The following PLEKHJ1 variants were observed in gnomAD, a reference collection of about 807,000 sequenced individuals.
PLEKHJ1 encodes the protein pleckstrin homology domain-containing family J member 1.
A neutral mutation model predicts 21.7 loss-of-function variants in PLEKHJ1; 20 were observed. The ratio of observed to expected loss-of-function variants is 0.92; its 90% confidence interval spans 0.65 to 1.34. PLEKHJ1 has a LOEUF of 1.34. Ranked by LOEUF, PLEKHJ1 falls within the 40% of genes most tolerant of loss-of-function variation. The pLI is 0.00. For missense variants in PLEKHJ1, 241 were observed against 202.0 expected (o/e 1.19, Z -1.17); for synonymous variants, 113 against 80.6 (o/e 1.40, Z -2.15).
Position 2,235,750 on chromosome 19 carries a change from AG to A in PLEKHJ1, c.229+11del. On this transcript the variant is annotated intron_variant, in intron 3 of 5. Coordinates refer to ENST00000326631, the MANE Select transcript of PLEKHJ1 (RefSeq NM_018049.3). ...TGCGGGAAGCGCCGCTGGCTTCCCT[AG>A]CCCCACTCACTGATGGAGAAGGTGC... 6.5e-7 allele frequency: 1 copy of A among 1,547,494 alleles called. No individual in the cohort carries two copies. The highest frequency in any genetic ancestry group is 1.2e-5 in the South Asian group (1 of 83,930).
Position 2,235,990 on chromosome 19 carries a change from A to G in PLEKHJ1, c.95T>C (p.Val32Ala). The G allele has an allele frequency of 6.2e-7, 1 of 1,607,642 alleles. No individual in the cohort carries two copies. Among genetic ancestry groups the G allele is most frequent in the East Asian group, 2.3e-5 (1 of 44,130 alleles). Residue 32 changes from valine to alanine, a missense_variant and splice_region_variant, in exon 2 of 6, where the codon GTG becomes GCG. Val to Ala is a moderately conservative substitution (Grantham distance 64). Transcript: ENST00000326631. The part of the protein sequence containing the change: ...LGMRGPKKGS[V>A]LKRRLVKLVV... ...CAGCTTCACCAGCCGCCGCTTCAGC[A>G]CTGCGGGCACAGCGCGCACTCAGGG...
At chr19:2,230,085 T>C, downstream of PLEKHJ1, 1 of 585,600 alleles carries the variant, frequency 1.7e-6, no homozygotes, top group Non-Finnish European at 3.0e-6. Flanking sequence ...TATAAATATC[T>C]ATATATGAGA....
chr19:2,236,026 C>G (rs773684318), intron 1 of PLEKHJ1, 36 bp from the exon 2 acceptor site: 2 of 1,561,684 alleles, frequency 1.3e-6, no homozygotes, highest in South Asian at 1.2e-5. Flanking sequence ...GCGCAGGCAG[C>G]CCCCGCCCGG....
At position 2,235,736 on chromosome 19, in the gene PLEKHJ1, C is replaced by T. The variant is rs765087754; in HGVS notation, c.229+26G>A. 8.1e-5 allele frequency: 125 copies of T among 1,540,978 alleles called. 1 individual carries two copies. In the South Asian group the frequency reaches 1.4e-3, roughly 18 times the overall value. ...CGGGTGCCCCGGGCTGCGGGAAGCG[C>T]CGCTGGCTTCCCTAGCCCCACTCAC... On this transcript the variant is annotated intron_variant, in intron 3 of 5. Transcript: ENST00000326631.
downstream of PLEKHJ1, chr19:2,232,364 C>T (rs1182970419): frequency 5.0e-6 from 1 of 200,106 alleles, no homozygotes; most frequent in Non-Finnish European, 1.0e-5. Flanking sequence ...CCCTCGCCAT[C>T]GTGGTCAGAC....
Position 2,234,077 on chromosome 19 carries a change from G to C in PLEKHJ1, c.321-16C>G, listed in dbSNP as rs1211150321. On this transcript the variant is annotated splice_polypyrimidine_tract_variant and intron_variant, in intron 4 of 5. Transcript: ENST00000326631. The stretch of plus-strand genomic sequence containing the variant: ...GAACTCGTAGCTGGGGAAAAGGGTG[G>C]CACGGGGTCAAATGCCCGCTCTGCA... 1 of 1,613,330 alleles carries C rather than the reference G, an allele frequency of 6.2e-7. No homozygotes were observed. Among genetic ancestry groups the C allele is most frequent in the Non-Finnish European group, 8.5e-7 (1 of 1,180,024 alleles).
In PLEKHJ1 at chr19:2,234,254, A is replaced by G. The variant is rs751699105; in HGVS notation, c.230-14T>C. 3 of 1,604,100 alleles carry G rather than the reference A, an allele frequency of 1.9e-6. No individual in the cohort carries two copies. The highest frequency in any genetic ancestry group is 1.7e-5 in the Admixed American group (1 of 59,870). On this transcript the variant is annotated splice_polypyrimidine_tract_variant and intron_variant, in intron 3 of 5. Transcript: ENST00000326631. ...CCTCAATGAAGCCTGGGGATGGAAC[A>G]CCTGTGGTCGGTCCTACCCACAGCC...
Position 2,236,174 on chromosome 19 carries a change from C to T in PLEKHJ1, c.75G>A (p.Arg25=). The change falls in exon 1 of 6, where the codon AGG becomes AGA. Residue 25 remains arginine (R), a synonymous_variant. Transcript: ENST00000326631. The stretch of plus-strand genomic sequence containing the variant: ...GCTCACCGCTGCCCTTCTTGGGGCC[C>T]CTCATGCCCAGCTCGGCCGCCATCT... ...PAEMAAELGM[R]GPKKGSVLKR... is the part of the protein sequence containing the mutation. 6.7e-7 allele frequency: 1 copy of T among 1,482,572 alleles called. No individual in the cohort carries two copies. Among genetic ancestry groups the T allele is most frequent in the South Asian group, 1.3e-5 (1 of 76,476 alleles). The allele number at this position is 1,482,572 out of a possible 1,614,324, so 91.8% of individuals were successfully genotyped here.
downstream of PLEKHJ1, chr19:2,231,726 A>G: frequency 4.7e-6 from 1 of 213,382 alleles, no homozygotes; most frequent in Non-Finnish European, 9.5e-6. Flanking sequence ...TTGATGGCAG[A>G]GACGGCCGAG....
At chr19:2,233,951 T>C in intron 5 of PLEKHJ1, 46 bp from the exon 6 acceptor site, 1 of 1,611,710 alleles carries the variant, frequency 6.2e-7, no homozygotes. Flanking sequence ...GAGGACTGCC[T>C]CTGCCACCTG....
rs987538815 is a variant in PLEKHJ1 at position 2,234,154 on chromosome 19, C to A, written c.316G>T (p.Ala106Ser). 1 of 1,612,260 alleles carries A rather than the reference C, an allele frequency of 6.2e-7. No homozygotes were observed. The highest frequency in any genetic ancestry group is 1.3e-5 in the African/African-American group (1 of 74,938). Residue 106 changes from alanine to serine, a missense_variant, in exon 4 of 6, where the codon GCC becomes TCC. Transcript: ENST00000326631. ...CQEWMEALRRASYEFMRRSLI... is the reference protein window; with the variant it reads ...CQEWMEALRRSSYEFMRRSLI... ...CCCACCACCGCCTGGCCCCACCTGG[C>A]CCGACGCAGAGCCTCCATCCACTCC...
chr19:2,230,899 C>G (rs1355840574), downstream of PLEKHJ1: 3 of 304,902 alleles, frequency 9.8e-6, no homozygotes, highest in Non-Finnish European at 1.8e-5. Context: ...ACGCCTGGCA[C>G]CCATCCCTTG....
rs549044465 is a variant in PLEKHJ1, at chr19:2,235,758, T to C, written c.229+4A>G. On this transcript the variant is annotated splice_donor_region_variant and intron_variant, in intron 3 of 5. Coordinates refer to ENST00000326631, the MANE Select transcript of PLEKHJ1 (RefSeq NM_018049.3). ...GCGCCGCTGGCTTCCCTAGCCCCAC[T>C]CACTGATGGAGAAGGTGCCGGGCTC... The C allele has an allele frequency of 9.2e-5, 143 of 1,548,228 alleles. 1 individual carries two copies. The South Asian group carries it at 1.7e-3, about 18-fold the overall frequency.
At position 2,233,631 on chromosome 19, in the gene PLEKHJ1, T is replaced by G. The variant is rs1047752636; in HGVS notation, c.*209A>C. 1.0e-5 allele frequency: 6 copies of G among 574,226 alleles called. No homozygotes were observed. In the African/African-American group the frequency reaches 1.1e-4, roughly 11 times the overall value. The allele number at this position is 574,226 out of a possible 1,614,324, so 35.6% of individuals were successfully genotyped here. ...GCTCATGCCTGTGATCCCCGCTACT[T>G]GGGAAGCTGAGGCAGGAGGATCACT... is the stretch of plus-strand genomic sequence containing the variant. On this transcript the variant is annotated 3_prime_UTR_variant, in exon 6 of 6. Coordinates refer to ENST00000326631, the MANE Select transcript of PLEKHJ1 (RefSeq NM_018049.3).
downstream of PLEKHJ1, chr19:2,231,938 G>C (rs1461349782): frequency 1.4e-5 from 3 of 214,762 alleles, no homozygotes; most frequent in African/African-American, 2.3e-5. Flanking sequence ...AGCCCACTGG[G>C]TCATATGCGT....
downstream of PLEKHJ1, chr19:2,230,123 G>A: frequency 5.8e-6 from 3 of 520,836 alleles, no homozygotes; most frequent in South Asian, 2.9e-5. Context: ...GTGTCTGCAG[G>A]GCGGGCCCGC....
intron 3 of PLEKHJ1, chr19:2,235,021 ATAAAG>A (rs889383471): frequency 3.3e-5 from 5 of 152,150 alleles, no homozygotes; most frequent in African/African-American, 1.2e-4. Flanking sequence ...AAATAAAATA[ATAAAG>A]TGAAGTAAAA....
At chr19:2,231,696 G>T (rs569529675), downstream of PLEKHJ1, 1 of 214,008 alleles carries the variant, frequency 4.7e-6, no homozygotes. Flanking sequence ...GTGTCGCCAC[G>T]GGCCGGATAC....
In PLEKHJ1 at chr19:2,234,154, C is replaced by T. The variant is rs987538815; in HGVS notation, c.316G>A (p.Ala106Thr). The change falls in exon 4 of 6, where the codon GCC becomes ACC. Residue 106 changes from alanine (A) to threonine (T), a missense_variant. Ala to Thr is a moderately conservative substitution (Grantham distance 58). Transcript: ENST00000326631. ...CCCACCACCGCCTGGCCCCACCTGG[C>T]CCGACGCAGAGCCTCCATCCACTCC... Reference protein sequence around the residue: ...CQEWMEALRRASYEFMRRSLI... With the variant: ...CQEWMEALRRTSYEFMRRSLI... 90 of 1,612,260 alleles carry T rather than the reference C, an allele frequency of 5.6e-5. No homozygotes were observed. Among genetic ancestry groups the T allele is most frequent in the Non-Finnish European group, 7.6e-5 (90 of 1,179,970 alleles).
Sources: gnomAD v4.1 joint callset for allele counts on GRCh38, gnomAD v4.1.1 for gene constraint, MANE v1.5 for transcripts, NCBI Gene and HGNC (gene_info 2026-07-23, HGNC 2026-07-21) for gene names.